Variants in SH3GL3 observed in about 807,000 individuals in gnomAD.
SH3GL3 encodes the protein SH3 domain containing GRB2 like 3, endophilin A3.
SH3GL3 carries 33 observed loss-of-function variants against 47.7 expected under a neutral mutation model. The ratio of observed to expected loss-of-function variants is 0.69; its 90% CI spans 0.52 to 0.92. SH3GL3 has a LOEUF of 0.92. Ranked by LOEUF, SH3GL3 falls within the 40% of genes least tolerant of loss-of-function variation. SH3GL3 has a pLI of 0.00. For synonymous variants in SH3GL3, 155 were observed against 148.8 expected, an observed-to-expected ratio of 1.04 and a Z score of -0.30; for missense variants, 363 against 417.8, an observed-to-expected ratio of 0.87 and a Z score of 1.14.
At chr15:83,624,204 CTT>C in the SH3GL3 span, among the ~76,000 whole-genome samples, 15 of 152,302 alleles carry the variant, frequency 9.8e-5, no homozygotes, top group East Asian at 1.4e-3. Flanking sequence ...ATTCTCCTCT[CTT>C]GTTTTGCTAT....
chr15:83,581,575 C>T (rs2151793519), intron 6 of SH3GL3, among the ~76,000 whole-genome samples: 1 of 152,292 alleles, frequency 6.6e-6, no homozygotes, highest in Middle Eastern at 3.4e-3. Flanking sequence ...ATCCGGAGCC[C>T]AGAGCCAGGC....
chr15:83,473,323 C>T (rs1188398934), intron 1 of SH3GL3, among the ~76,000 whole-genome samples: 1 of 152,044 alleles, frequency 6.6e-6, no homozygotes, highest in Non-Finnish European at 1.5e-5. Context: ...CTATTGGTTA[C>T]CTCATTTCAG....
intron 1 of SH3GL3, among the ~76,000 whole-genome samples, chr15:83,505,119 TCTC>T (rs1290970279): frequency 6.6e-6 from 1 of 152,178 alleles, no homozygotes; most frequent in Non-Finnish European, 1.5e-5. Context: ...ACGTATCTGT[TCTC>T]CTGTTCGTGG....
intron 1 of SH3GL3, among the ~76,000 whole-genome samples, chr15:83,458,450 C>G (rs1464376692): frequency 1.3e-5 from 2 of 152,192 alleles, no homozygotes; most frequent in East Asian, 3.9e-4. Flanking sequence ...CCGTCCCTGG[C>G]TACATCTTCC....
chr15:83,486,975 C>T (rs2151569960), intron 1 of SH3GL3, among the ~76,000 whole-genome samples: 1 of 152,296 alleles, frequency 6.6e-6, no homozygotes, highest in Non-Finnish European at 1.5e-5. Flanking sequence ...ACACTTGTCC[C>T]TCTTCTAAAC....
chr15:83,568,313 G>A (rs2045653280), intron 3 of SH3GL3, among the ~76,000 whole-genome samples: 3 of 152,062 alleles, frequency 2.0e-5, no homozygotes, highest in South Asian at 2.1e-4. Context: ...ATGGTTCATC[G>A]TGGCTGCGGA....
At chr15:83,498,809 C>G (rs1268187922) in intron 1 of SH3GL3, among the ~76,000 whole-genome samples, 1 of 152,214 alleles carries the variant, frequency 6.6e-6, no homozygotes, top group Non-Finnish European at 1.5e-5. Context: ...AGTGGCCCTT[C>G]AGTATAAACT....
chr15:83,450,479 C>T (rs901874751), intron 1 of SH3GL3, among the ~76,000 whole-genome samples: 2 of 152,098 alleles, frequency 1.3e-5, no homozygotes, highest in African/African-American at 2.4e-5. Flanking sequence ...AGCTATAACC[C>T]GGTTAACTGT....
chr15:83,471,986 T>G (rs1013564924), intron 1 of SH3GL3, among the ~76,000 whole-genome samples: 2 of 152,194 alleles, frequency 1.3e-5, no homozygotes, highest in African/African-American at 2.4e-5. Flanking sequence ...CAGGTTCAAG[T>G]GATTCTCCTG....
intron 6 of SH3GL3, among the ~76,000 whole-genome samples, chr15:83,579,088 GT>G (rs2151787789): frequency 1.3e-5 from 2 of 152,266 alleles, no homozygotes; most frequent in Admixed American, 1.3e-4. Flanking sequence ...CTCAGTATCA[GT>G]CAAAAGTCAA....
intron 1 of SH3GL3, among the ~76,000 whole-genome samples, chr15:83,508,677 A>C (rs2042617146): frequency 6.6e-6 from 1 of 151,814 alleles, no homozygotes; most frequent in South Asian, 2.1e-4. Context: ...TTCTGGGTTC[A>C]AGCGATTCTC....
intron 8 of SH3GL3, among the ~76,000 whole-genome samples, chr15:83,590,561 C>T (rs2060067438): frequency 6.6e-6 from 1 of 152,220 alleles, no homozygotes; most frequent in South Asian, 2.1e-4. Context: ...TCTAGTTTCT[C>T]CACATCCCTG....
rs1345508770 is a variant in SH3GL3, at chr15:83,568,700, A to T, written c.331+28A>T. 5.7e-6 allele frequency: 9 copies of T among 1,588,556 alleles called. No homozygotes were observed. In the East Asian group the frequency reaches 2.0e-4, roughly 36 times the overall value. On this transcript the variant is annotated intron_variant, in intron 4 of 8. Coordinates refer to ENST00000427482, the MANE Select transcript of SH3GL3 (RefSeq NM_003027.5). Reference sequence around the variant, plus strand: ...GAGTTATTCAGAGATCAGCTGGGGGAGCTGAGAACTCCTCCAGTATGGTTT... The same window carrying T: ...GAGTTATTCAGAGATCAGCTGGGGGTGCTGAGAACTCCTCCAGTATGGTTT...
chr15:83,457,981 G>C (rs2040081710), intron 1 of SH3GL3, among the ~76,000 whole-genome samples: 1 of 152,054 alleles, frequency 6.6e-6, no homozygotes, highest in Admixed American at 6.6e-5. Context: ...TAATTTTTCA[G>C]CTTTATTAAC....
At chr15:83,561,070 G>C (rs374893669) in intron 2 of SH3GL3, among the ~76,000 whole-genome samples, 2 of 152,078 alleles carry the variant, frequency 1.3e-5, no homozygotes, top group East Asian at 3.9e-4. Context: ...TAAAATAATA[G>C]ATTAAACTGA....
intron 1 of SH3GL3, among the ~76,000 whole-genome samples, chr15:83,491,339 T>C (rs2041867075): frequency 6.6e-6 from 1 of 152,238 alleles, no homozygotes; most frequent in Admixed American, 6.5e-5. Flanking sequence ...CATGTCAGTG[T>C]TGTATGAAAT....
chr15:83,482,821 T>G (rs17158927), intron 1 of SH3GL3, among the ~76,000 whole-genome samples: 5,812 of 152,202 alleles, frequency 0.038, 340 homozygotes, highest in African/African-American at 0.13. Flanking sequence ...GAGAATTTTC[T>G]TAAGTTTGTT....
rs562522589 is a variant in SH3GL3, at chr15:83,511,585, GTAA to G, written c.46-47657_46-47655del. ...AAAAGTTGAAAACACTTTGTATACG[GTAA>G]TAATAATAATCACTATTACTACTAC... On this transcript the variant is annotated intron_variant, in intron 1 of 8. Transcript: ENST00000427482. Among the ~76,000 whole-genome samples the G allele has an allele frequency of 3.3e-5, 5 of 152,202 alleles. No individual in the cohort carries two copies. The East Asian group carries it at 9.7e-4, about 29-fold the overall frequency.
chr15:83,532,079 T>G (rs750608736), intron 1 of SH3GL3, among the ~76,000 whole-genome samples: 30 of 152,264 alleles, frequency 2.0e-4, no homozygotes, highest in Non-Finnish European at 4.3e-4. Context: ...TTCTTAGGTC[T>G]AGGACAGCTT....
Sources: allele counts gnomAD v4.1 joint callset (sites outside exome capture counted in the v4.1 genomes callset), GRCh38; gene constraint gnomAD v4.1.1; transcripts MANE v1.5; gene names NCBI Gene and HGNC (gene_info 2026-07-23, HGNC 2026-07-21).